The following RILPL1 variants were observed in gnomAD, a reference collection of about 807,000 sequenced individuals.
RILPL1 encodes the protein Rab interacting lysosomal protein like 1.
In RILPL1, 33 loss-of-function variants were observed where a neutral mutation model predicts 50.3. The ratio of observed to expected loss-of-function variants is 0.66; its 90% CI spans 0.50 to 0.88. RILPL1 has a LOEUF of 0.88. RILPL1 is among the 40% of genes least tolerant of loss of function. The probability of loss-of-function intolerance (pLI) is 0.00; values close to 1 mark genes in which losing one functional copy is unlikely to be tolerated. For missense variants in RILPL1, 418 were observed against 542.5 expected, an observed-to-expected ratio of 0.77 and a Z score of 2.28; for synonymous variants, 205 against 228.6, an observed-to-expected ratio of 0.90 and a Z score of 0.93.
At chr12:123,505,450 A>G (rs1299102416) in intron 2 of RILPL1, among the ~76,000 whole-genome samples, 1 of 151,844 alleles carries the variant, frequency 6.6e-6, no homozygotes, top group Non-Finnish European at 1.5e-5. Flanking sequence ...CAGCCTCCCC[A>G]GGACCTGGGA....
At chr12:123,477,388 C>T (rs1314721881) in intron 6 of RILPL1, among the ~76,000 whole-genome samples, 1 of 140,998 alleles carries the variant, frequency 7.1e-6, no homozygotes, top group Non-Finnish European at 1.5e-5. Flanking sequence ...ACCCAGGCTG[C>T]AGTGTAGTGG....
intron 4 of RILPL1, among the ~76,000 whole-genome samples, chr12:123,490,907 T>C (rs534771299): frequency 6.6e-6 from 1 of 152,254 alleles, no homozygotes; most frequent in East Asian, 1.9e-4. Flanking sequence ...TGCGCCACCA[T>C]GCCTGGCTAA....
chr12:123,497,014 T>TG lies in RILPL1; in HGVS notation c.801+1529dup, dbSNP rs568416999. 2.6e-3 allele frequency among the ~76,000 whole-genome samples: 397 copies of TG among 152,360 alleles called. 1 individual carries two copies. Among genetic ancestry groups the TG allele is most frequent in the Middle Eastern group, 6.8e-3 (2 of 294 alleles). On this transcript the variant is annotated intron_variant, in intron 4 of 6. Transcript: ENST00000376874. ...TCTGGCTCTATGGATTTGCCTGTTCTGGGACATTTCGTGCAAATGGAGTCA... is the reference window on the plus strand; with the variant it reads ...TCTGGCTCTATGGATTTGCCTGTTCTGGGGACATTTCGTGCAAATGGAGTCA...
At chr12:123,506,155 G>A (rs1029781276) in intron 2 of RILPL1, among the ~76,000 whole-genome samples, 5 of 152,212 alleles carry the variant, frequency 3.3e-5, no homozygotes, top group Non-Finnish European at 5.9e-5. Context: ...TCAGGGCAGG[G>A]GTCATTTCCG....
At position 123,498,084 on chromosome 12, in the gene RILPL1, T is replaced by C. The variant is rs994944811; in HGVS notation, c.801+460A>G. 6.6e-6 allele frequency among the ~76,000 whole-genome samples: 1 copy of C among 152,186 alleles called. No individual in the cohort carries two copies. Among genetic ancestry groups the C allele is most frequent in the Non-Finnish European group, 1.5e-5 (1 of 68,018 alleles). ...GTCAACAATCATTGGTATGAATGAA[T>C]AAATAAATGGCAGGTGCCTAATAAC... On this transcript the variant is annotated intron_variant, in intron 4 of 6. Coordinates refer to ENST00000376874, the MANE Select transcript of RILPL1 (RefSeq NM_178314.5). This position sits in a 1 kb window ranked among gnomAD's most constrained non-coding sequence, Gnocchi z 4.3.
At chr12:123,530,766 G>A (rs1326526528) in intron 1 of RILPL1, among the ~76,000 whole-genome samples, 1 of 152,180 alleles carries the variant, frequency 6.6e-6, no homozygotes, top group African/African-American at 2.4e-5. Context: ...CCTGACATGA[G>A]ACTTTGCTTT....
At chr12:123,505,162 T>A (rs996408064) in intron 2 of RILPL1, among the ~76,000 whole-genome samples, 4 of 152,216 alleles carry the variant, frequency 2.6e-5, no homozygotes, top group African/African-American at 9.6e-5. Flanking sequence ...TGCCTCAGCC[T>A]CCTGAGTAGC....
intron 2 of RILPL1, among the ~76,000 whole-genome samples, chr12:123,508,416 C>CA (rs935836971): frequency 7.9e-5 from 12 of 151,886 alleles, no homozygotes; most frequent in African/African-American, 2.9e-4. Context: ...AAACAAAAAA[C>CA]AAAAAACCCA....
At position 123,484,188 on chromosome 12, in the gene RILPL1, G is replaced by C; in HGVS notation, c.1059C>G (p.Ile353Met). The change falls in exon 6 of 7, where the codon ATC becomes ATG. Residue 353 changes from isoleucine (I) to methionine (M), a missense_variant. Transcript: ENST00000376874. ...PRTSPQPESG[I>M]KRLFSFFSRD... ...GGCAGCGCATCACTTACAGTCGCTTGATGCCCGACTCCGGCTGGGGGGACG... is the reference window on the plus strand; with the variant it reads ...GGCAGCGCATCACTTACAGTCGCTTCATGCCCGACTCCGGCTGGGGGGACG... 6.3e-7 allele frequency: 1 copy of C among 1,599,044 alleles called. No homozygotes were observed.
chr12:123,523,519 C>T lies in RILPL1; in HGVS notation c.436G>A (p.Glu146Lys). 1 of 1,614,034 alleles carries T rather than the reference C, an allele frequency of 6.2e-7. No homozygotes were observed. The highest frequency in any genetic ancestry group is 8.5e-7 in the Non-Finnish European group (1 of 1,179,880). The change falls in exon 2 of 7, where the codon GAG becomes AAG. Residue 146 changes from glutamate to lysine, a missense_variant. By Grantham distance (56) the Glu-to-Lys change is moderately conservative. Coordinates refer to ENST00000376874, the MANE Select transcript of RILPL1 (RefSeq NM_178314.5). ...NLSHKDVNFS[E>K]EEFQKHEGMS... The stretch of plus-strand genomic sequence containing the variant: ...CCTTCATGCTTCTGGAACTCCTCCT[C>T]TGAGAAATTGACATCCTTGTGGGAG...
chr12:123,513,429 G>A (rs571510623), intron 2 of RILPL1: 25 of 303,126 alleles, frequency 8.2e-5, no homozygotes, highest in Non-Finnish European at 1.3e-4. Context: ...GGAGAGAGGG[G>A]CGGCTGGGTC....
chr12:123,526,980 A>G (rs1385254587), intron 1 of RILPL1, among the ~76,000 whole-genome samples: 1 of 152,134 alleles, frequency 6.6e-6, no homozygotes, highest in African/African-American at 2.4e-5. Flanking sequence ...TCCAAGTCCT[A>G]ATCCCTGAGA....
At chr12:123,528,906 TC>T (rs1885358141) in intron 1 of RILPL1, among the ~76,000 whole-genome samples, 1 of 152,024 alleles carries the variant, frequency 6.6e-6, no homozygotes, top group African/African-American at 2.4e-5. Context: ...TCCGGAGAAG[TC>T]AGCCCTGATC....
intron 4 of RILPL1, among the ~76,000 whole-genome samples, chr12:123,496,307 C>T (rs1377894611): frequency 6.6e-6 from 1 of 152,204 alleles, no homozygotes; most frequent in Non-Finnish European, 1.5e-5. Context: ...AGCCACCATG[C>T]CTGGCAACTA....
chr12:123,490,001 C>T (rs1252658600), intron 4 of RILPL1, among the ~76,000 whole-genome samples: 1 of 152,172 alleles, frequency 6.6e-6, no homozygotes, highest in African/African-American at 2.4e-5. Context: ...CCACTGGCAA[C>T]GCTGGGCTGT....
chr12:123,522,494 C>T lies in RILPL1; in HGVS notation c.460+1001G>A, dbSNP rs774265979. 1.1e-3 allele frequency among the ~76,000 whole-genome samples: 167 copies of T among 152,208 alleles called. No individual in the cohort carries two copies. Among genetic ancestry groups the T allele is most frequent in the Non-Finnish European group, 2.2e-3 (148 of 68,032 alleles). The stretch of plus-strand genomic sequence containing the variant: ...GTGATAAGAGCCTCCAATCTCTTCC[C>T]AGCACACTTAGAATAAAATCCAAAC... On this transcript the variant is annotated intron_variant, in intron 2 of 6. Transcript: ENST00000376874. The surrounding 1 kb of genome is among the most constrained non-coding windows in gnomAD (Gnocchi z 4.0).
chr12:123,512,914 G>GTC (rs146276943), intron 2 of RILPL1, among the ~76,000 whole-genome samples: 36,910 of 130,564 alleles, frequency 0.28, 6,889 homozygotes, highest in African/African-American at 0.53. Context: ...GTGCGTGTAT[G>GTC]TGTGTGGTGA....
Position 123,475,805 on chromosome 12 carries a change from AAG to A in RILPL1, c.1068-3125_1068-3124del, listed in dbSNP as rs1165981672. 7 of 1,172,380 alleles carry A rather than the reference AAG, an allele frequency of 6.0e-6. No individual in the cohort carries two copies. In the Admixed American group the frequency reaches 1.2e-4, roughly 20 times the overall value. The allele number at this position is 1,172,380 out of a possible 1,614,324, so 72.6% of individuals were successfully genotyped here. A position where few individuals can be genotyped will look rare whatever the true frequency, so the allele number is the denominator to read the frequency against. ...GAAGATAAAAACGGGAGGCATGAAA[AAG>A]AAACAAACTCCACAGACACCAGTGG... is the stretch of plus-strand genomic sequence containing the variant. On this transcript the variant is annotated intron_variant, in intron 6 of 6. Coordinates refer to ENST00000376874, the MANE Select transcript of RILPL1 (RefSeq NM_178314.5).
At chr12:123,490,081 T>C (rs1425091956) in intron 4 of RILPL1, among the ~76,000 whole-genome samples, 1 of 151,990 alleles carries the variant, frequency 6.6e-6, no homozygotes, top group East Asian at 1.9e-4. Flanking sequence ...CAGGCAGCAG[T>C]GGCCCCTGCT....
Sources: gnomAD v4.1 joint callset for allele counts (sites outside exome capture counted in the v4.1 genomes callset) on GRCh38, gnomAD v4.1.1 for gene constraint, Gnocchi (gnomAD v3.1) non-coding constraint, MANE v1.5 for transcripts, NCBI Gene and HGNC (gene_info 2026-07-23, HGNC 2026-07-21) for gene names.